Variants in TXLNG observed in about 807,000 individuals in gnomAD.
TXLNG encodes the protein gamma-taxilin.
TXLNG carries 5 observed loss-of-function variants against 38.8 expected under a neutral mutation model. The observed-to-expected ratio is 0.13, with a 90% CI of 0.07 to 0.27. The LOEUF is 0.27. TXLNG is among the 10% of genes least tolerant of loss of function. The probability of loss-of-function intolerance (pLI) is 1.00; values close to 1 mark genes in which losing one functional copy is unlikely to be tolerated. For synonymous variants in TXLNG, 182 were observed against 158.2 expected, an observed-to-expected ratio of 1.15 and a Z score of -1.13; for missense variants, 393 against 398.2, an observed-to-expected ratio of 0.99 and a Z score of 0.11.
At position 16,803,906 on chromosome X, in the gene TXLNG, C is replaced by T. The variant is rs774426944; in HGVS notation, c.103-14668C>T. Among the ~76,000 whole-genome samples the T allele has an allele frequency of 2.0e-3, 218 of 109,671 alleles. 1 individual carries two copies. Among genetic ancestry groups the T allele is most frequent in the Middle Eastern group, 9.4e-3 (2 of 212 alleles). On this transcript the variant is annotated intron_variant, in intron 1 of 9. Coordinates refer to ENST00000380122, the MANE Select transcript of TXLNG (RefSeq NM_018360.3). The stretch of plus-strand genomic sequence containing the variant: ...GGCGGAGGTTGTGATGAGCTGAGAT[C>T]GTGCCACTGCACTCCAGCCTGGGCA...
chrX:16,819,630 CCTTTGGTTA>C (rs745772091), intron 2 of TXLNG, among the ~76,000 whole-genome samples: 16 of 111,840 alleles, frequency 1.4e-4, no homozygotes, highest in Non-Finnish European at 2.8e-4. Context: ...ATCTTGTCAT[CCTTTGGTTA>C]GTTAACCTTA....
At chrX:16,788,137 A>G (rs1927565042) in intron 1 of TXLNG, among the ~76,000 whole-genome samples, 1 of 112,351 alleles carries the variant, frequency 8.9e-6, no homozygotes, top group Admixed American at 9.5e-5. Context: ...TGGAGTGCCA[A>G]TCTCAGTGTT....
chrX:16,832,049 G>A (rs1042883510), intron 5 of TXLNG, among the ~76,000 whole-genome samples: 5 of 112,186 alleles, frequency 4.5e-5, no homozygotes, highest in East Asian at 5.6e-4. Flanking sequence ...TGCCACCATC[G>A]CATTTACTGT....
intron 1 of TXLNG, among the ~76,000 whole-genome samples, chrX:16,806,087 C>T (rs1322746057): frequency 8.9e-6 from 1 of 112,432 alleles, no homozygotes; most frequent in African/African-American, 3.2e-5. Context: ...TTAAAATAGC[C>T]TTAGTGTATA....
At chrX:16,836,555 G>A (rs1406420736) in intron 7 of TXLNG, among the ~76,000 whole-genome samples, 1 of 112,013 alleles carries the variant, frequency 8.9e-6, no homozygotes, top group Admixed American at 9.4e-5. Context: ...TGGCTTCTGC[G>A]TCCACCACAC....
At position 16,819,623 on chromosome X, in the gene TXLNG, T is replaced by C. The variant is rs181583177; in HGVS notation, c.407-541T>C. On this transcript the variant is annotated intron_variant, in intron 2 of 9. Transcript: ENST00000380122. ...GTCTTTCCCCACAGGAAGAGCTATCTTGTCATCCTTTGGTTAGTTAACCTT... is the reference window on the plus strand; with the variant it reads ...GTCTTTCCCCACAGGAAGAGCTATCCTGTCATCCTTTGGTTAGTTAACCTT... Among the ~76,000 whole-genome samples, 243 of 112,064 alleles carry C rather than the reference T, an allele frequency of 2.2e-3. 2 individuals are homozygous for C. Among genetic ancestry groups the C allele is most frequent in the African/African-American group, 7.6e-3 (235 of 30,860 alleles).
At chrX:16,794,190 C>G (rs1376834415) in intron 1 of TXLNG, among the ~76,000 whole-genome samples, 5 of 111,843 alleles carry the variant, frequency 4.5e-5, no homozygotes, top group Non-Finnish European at 9.4e-5. Context: ...TTTCGTATCT[C>G]TCATGTTAAC....
At chrX:16,825,926 G>A (rs1238786974) in intron 3 of TXLNG, among the ~76,000 whole-genome samples, 3 of 112,082 alleles carry the variant, frequency 2.7e-5, no homozygotes, top group Non-Finnish European at 3.8e-5. Context: ...ATCGAGTTGC[G>A]CTGTCCAAGA....
chrX:16,807,184 C>G (rs1928364235), intron 1 of TXLNG, among the ~76,000 whole-genome samples: 1 of 112,014 alleles, frequency 8.9e-6, no homozygotes, highest in Non-Finnish European at 1.9e-5. Flanking sequence ...GTCCCTACCC[C>G]CAAATTAGAC....
chrX:16,811,847 C>T (rs926952595), intron 1 of TXLNG, among the ~76,000 whole-genome samples: 31 of 108,548 alleles, frequency 2.9e-4, no homozygotes, highest in African/African-American at 1.0e-3. Flanking sequence ...CCATGTTGGC[C>T]AGGATGGTCT....
In TXLNG at chrX:16,818,713, A is replaced by T. The variant is rs1569267680; in HGVS notation, c.242A>T (p.Glu81Val). The change falls in exon 2 of 10, where the codon GAA (glutamate) becomes GTA (valine). Residue 81 changes from glutamate (E) to valine (V), a missense_variant. Transcript: ENST00000380122. ...GGCACAAGTAACAAGCATTCATTGG[A>T]AGAGGATGAAGGCAGTGACTTTATA... is the stretch of plus-strand genomic sequence containing the variant. The part of the protein sequence containing the change: ...CGGTSNKHSL[E>V]EDEGSDFITE... 8.3e-7 allele frequency: 1 copy of T among 1,211,829 alleles called. No individual in the cohort carries two copies. The highest frequency in any genetic ancestry group is 2.3e-4 in the Middle Eastern group (1 of 4,356).
chrX:16,835,942 C>T (rs1929578039), intron 7 of TXLNG, among the ~76,000 whole-genome samples: 1 of 112,593 alleles, frequency 8.9e-6, no homozygotes, highest in African/African-American at 3.2e-5. Context: ...TCACATGGGA[C>T]AGTCTTTATT....
At chrX:16,832,491 G>C in intron 5 of TXLNG, 132 bp from the exon 6 acceptor site, 1 of 859,683 alleles carries the variant, frequency 1.2e-6, no homozygotes, top group Middle Eastern at 3.7e-4. Context: ...CAGAGAGAGA[G>C]CTGGTGTTCT....
At position 16,842,696 on chromosome X, in the gene TXLNG, TA is replaced by T. The variant is rs1929900859; in HGVS notation, c.*931del. On this transcript the variant is annotated 3_prime_UTR_variant, in exon 10 of 10. Transcript: ENST00000380122. ...CAATACCTTCTGGCTACTTGAAAGT[TA>T]CTACAAAAATTCCACCAGCAAAGTA... 8.9e-6 allele frequency: 1 copy of T among 112,525 alleles called. No individual in the cohort carries two copies. The highest frequency in any genetic ancestry group is 1.9e-5 in the Non-Finnish European group (1 of 53,321). 9.3% of individuals were successfully genotyped at this position (112,525 alleles called of 1,213,427 possible).
intron 1 of TXLNG, among the ~76,000 whole-genome samples, chrX:16,789,065 C>G (rs1399339813): frequency 2.7e-5 from 3 of 111,809 alleles, no homozygotes; most frequent in Non-Finnish European, 5.6e-5. Context: ...TTTCTTAATT[C>G]CAGCTTAACT....
chrX:16,820,015 T>C (rs995023948), intron 2 of TXLNG, 149 bp from the exon 3 acceptor site: 8 of 452,437 alleles, frequency 1.8e-5, no homozygotes, highest in Non-Finnish European at 2.5e-5. Flanking sequence ...AAATTGCCTT[T>C]TTCATTGAGC....
At chrX:16,838,006 TC>T (rs1335861439) in intron 8 of TXLNG, among the ~76,000 whole-genome samples, 5 of 112,108 alleles carry the variant, frequency 4.5e-5, no homozygotes, top group African/African-American at 1.3e-4. Flanking sequence ...CTCAGCCCTC[TC>T]ATAAAACTCT....
At chrX:16,840,378 GCTTGA>G (rs1602404422) in intron 9 of TXLNG, 6 of 709,669 alleles carry the variant, frequency 8.5e-6, no homozygotes, top group Non-Finnish European at 1.0e-5. Context: ...GGCCTTTCTA[GCTTGA>G]CTTATTAGGC....
intron 4 of TXLNG, among the ~76,000 whole-genome samples, chrX:16,829,108 T>C (rs940413777): frequency 8.9e-6 from 1 of 112,162 alleles, no homozygotes; most frequent in Non-Finnish European, 1.9e-5. Flanking sequence ...TTGACACTCA[T>C]ATCCTAGCAA....
Sources: gnomAD v4.1 joint callset for allele counts (sites outside exome capture counted in the v4.1 genomes callset) on GRCh38, gnomAD v4.1.1 for gene constraint, MANE v1.5 for transcripts, NCBI Gene and HGNC (gene_info 2026-07-23, HGNC 2026-07-21) for gene names.